TET1: variants seen among roughly 807,000 people sequenced by gnomAD.
The protein encoded by TET1 is methylcytosine dioxygenase TET1.
A neutral mutation model predicts 148.7 loss-of-function variants in TET1; 13 were observed. The observed-to-expected ratio is 0.09, with a 90% CI of 0.06 to 0.14. The LOEUF is 0.14. Among genes scored for constraint, TET1 ranks in the 10% least tolerant of loss-of-function variants. The probability of loss-of-function intolerance (pLI) is 1.00; values close to 1 mark genes in which losing one functional copy is unlikely to be tolerated. For missense variants in TET1, 2,182 were observed against 2,553.8 expected (o/e 0.85, Z 3.14); for synonymous variants, 907 against 937.2 (o/e 0.97, Z 0.59).
intron 8 of TET1, among the ~76,000 whole-genome samples, chr10:68,678,911 C>T (rs999380185): frequency 1.3e-5 from 2 of 151,806 alleles, no homozygotes; most frequent in Non-Finnish European, 2.9e-5. Flanking sequence ...CACAGTGGCT[C>T]ACACCTGTAA....
intron 3 of TET1, among the ~76,000 whole-genome samples, chr10:68,601,431 T>C (rs1452434673): frequency 6.6e-6 from 1 of 152,240 alleles, no homozygotes; most frequent in Non-Finnish European, 1.5e-5. Context: ...GACTGTCCAT[T>C]AAAGGCTATT....
rs2055602508 is a variant in TET1 at position 68,692,077 on chromosome 10, C to T, written c.*263C>T. 9.4e-6 allele frequency: 4 copies of T among 425,910 alleles called. No homozygotes were observed. The East Asian group carries it at 1.5e-4, about 16-fold the overall frequency. The allele number at this position is 425,910 out of a possible 1,614,324, so 26.4% of individuals were successfully genotyped here. A position where few individuals can be genotyped will look rare whatever the true frequency, so the allele number is the denominator to read the frequency against. The stretch of plus-strand genomic sequence containing the variant: ...AGAAATGTTTCAGTTAGGCATTAAC[C>T]TTGATAGAATCACTCAGTTTGGTGC... On this transcript the variant is annotated 3_prime_UTR_variant, in exon 12 of 12. Transcript: ENST00000373644.
At chr10:68,562,960 A>G (rs2053570244) in intron 1 of TET1, among the ~76,000 whole-genome samples, 1 of 151,798 alleles carries the variant, frequency 6.6e-6, no homozygotes, top group Admixed American at 6.6e-5. Flanking sequence ...GCCCTTCCTC[A>G]GTTTTTTACT....
At chr10:68,661,069 G>C (rs926862257) in intron 6 of TET1, among the ~76,000 whole-genome samples, 1 of 150,732 alleles carries the variant, frequency 6.6e-6, no homozygotes, top group Non-Finnish European at 1.5e-5. Context: ...TTGCTCTGTC[G>C]CCCAGGCTGG....
chr10:68,658,296 C>G (rs2055055538), intron 6 of TET1, among the ~76,000 whole-genome samples: 1 of 152,052 alleles, frequency 6.6e-6, no homozygotes, highest in Non-Finnish European at 1.5e-5. Flanking sequence ...ACTGCAACCT[C>G]TGCCTCCCAG....
chr10:68,679,642 G>T (rs1470978678), intron 8 of TET1, among the ~76,000 whole-genome samples: 3 of 152,092 alleles, frequency 2.0e-5, no homozygotes, highest in Non-Finnish European at 4.4e-5. Context: ...TTTAGCGAGG[G>T]CATGTTTTTA....
At chr10:68,571,796 A>T (rs2053673318) in intron 1 of TET1, among the ~76,000 whole-genome samples, 1 of 152,162 alleles carries the variant, frequency 6.6e-6, no homozygotes, top group East Asian at 1.9e-4. Flanking sequence ...AAATGCTGGG[A>T]TCACAGGCAT....
chr10:68,566,419 G>T (rs900679663), intron 1 of TET1, among the ~76,000 whole-genome samples: 1 of 152,030 alleles, frequency 6.6e-6, no homozygotes, highest in African/African-American at 2.4e-5. Context: ...TGTACAAAAA[G>T]CAGTGGTCTT....
intron 6 of TET1, among the ~76,000 whole-genome samples, chr10:68,661,202 T>G (rs1490547477): frequency 7.4e-6 from 1 of 135,356 alleles, no homozygotes; most frequent in Non-Finnish European, 1.6e-5. Flanking sequence ...GCTAATTTTT[T>G]TTTTTTTTTT....
In TET1 at chr10:68,600,892, T is replaced by C. The variant is rs1298191454; in HGVS notation, c.1915-89T>C. 3.8e-6 allele frequency: 4 copies of C among 1,052,264 alleles called. No homozygotes were observed. The Admixed American group carries it at 8.4e-5, about 22-fold the overall frequency. The allele number at this position is 1,052,264 out of a possible 1,614,324, so 65.2% of individuals were successfully genotyped here. ...ATGATTTTAAATGGTATAAATAGTT[T>C]TACAGAGAAATAGCCAAAAATTTTG... On this transcript the variant is annotated intron_variant, in intron 2 of 11. Coordinates refer to ENST00000373644, the MANE Select transcript of TET1 (RefSeq NM_030625.3).
intron 6 of TET1, among the ~76,000 whole-genome samples, chr10:68,662,918 C>G (rs1481960755): frequency 6.6e-6 from 1 of 152,088 alleles, no homozygotes; most frequent in East Asian, 1.9e-4. Context: ...GAGACACTGT[C>G]TCCAAAAGGA....
chr10:68,675,564 A>ATTTT (rs11313882), intron 8 of TET1, among the ~76,000 whole-genome samples: 75 of 131,482 alleles, frequency 5.7e-4, no homozygotes, highest in East Asian at 2.0e-3. Flanking sequence ...TATCCACGTC[A>ATTTT]TTTTTTTTTT....
intron 1 of TET1, among the ~76,000 whole-genome samples, chr10:68,568,519 G>A (rs2053631838): frequency 6.6e-6 from 1 of 152,214 alleles, no homozygotes; most frequent in Admixed American, 6.5e-5. Flanking sequence ...AGGATTACAG[G>A]TGTGAGCCAC....
chr10:68,590,006 C>T (rs1301270527), intron 2 of TET1, among the ~76,000 whole-genome samples: 2 of 152,102 alleles, frequency 1.3e-5, no homozygotes, highest in Admixed American at 1.3e-4. Context: ...TTTAACTGCT[C>T]ATTACATGGT....
intron 3 of TET1, among the ~76,000 whole-genome samples, chr10:68,630,939 G>A (rs757981967): frequency 1.3e-5 from 2 of 152,134 alleles, no homozygotes; most frequent in Non-Finnish European, 2.9e-5. Flanking sequence ...TACTTTGGGA[G>A]GCTGAGGCAG....
chr10:68,633,593 T>C (rs764153074), intron 3 of TET1, among the ~76,000 whole-genome samples: 18 of 152,076 alleles, frequency 1.2e-4, no homozygotes, highest in Non-Finnish European at 2.4e-4. Context: ...TTTTTGCCAT[T>C]ACTTGTAATA....
intron 3 of TET1, among the ~76,000 whole-genome samples, chr10:68,643,553 G>A (rs970863420): frequency 6.6e-6 from 1 of 152,058 alleles, no homozygotes; most frequent in Non-Finnish European, 1.5e-5. Flanking sequence ...GTGCACGGTG[G>A]CTCACACCTG....
At chr10:68,632,514 T>C in intron 3 of TET1, 1 of 1,612,738 alleles carries the variant, frequency 6.2e-7, no homozygotes, top group South Asian at 1.1e-5. Context: ...GCTTTGGACA[T>C]TTTTTGTTCA....
In TET1 at chr10:68,572,637, A is replaced by G. The variant is rs755648837; in HGVS notation, c.299A>G (p.Asn100Ser). ...CAGAACCCAGAGTCCTTAACCTGCA[A>G]TGGGTTTACAATGGCGCTACGAAGC... is the stretch of plus-strand genomic sequence containing the variant. The part of the protein sequence containing the change: ...LFQNPESLTC[N>S]GFTMALRSTS... Residue 100 changes from asparagine to serine, a missense_variant, in exon 2 of 12, where the codon AAT becomes AGT. Asn to Ser is a conservative substitution (Grantham distance 46, BLOSUM62 1). Around this residue, in one of 11 missense-constraint regions of TET1, gnomAD observed 665 missense variants for 672.4 expected, o/e 0.99. Transcript: ENST00000373644. 6 of 1,614,116 alleles carry G rather than the reference A, an allele frequency of 3.7e-6. No individual in the cohort carries two copies. The highest frequency in any genetic ancestry group is 4.5e-5 in the East Asian group (2 of 44,872).
Sources: allele counts gnomAD v4.1 joint callset (sites outside exome capture counted in the v4.1 genomes callset), GRCh38; gene constraint gnomAD v4.1.1; regional missense constraint gnomAD v4.1.1; transcripts MANE v1.5; gene names NCBI Gene and HGNC (gene_info 2026-07-23, HGNC 2026-07-21).